Variants in EEPD1 observed in about 807,000 individuals in gnomAD.
The protein encoded by EEPD1 is endonuclease/exonuclease/phosphatase family domain-containing protein 1.
EEPD1 carries 17 observed loss-of-function variants against 46.3 expected under a neutral mutation model. The ratio of observed to expected loss-of-function variants is 0.37; its 90% CI spans 0.25 to 0.55. The LOEUF is 0.55. Ranked by LOEUF, EEPD1 falls within the 20% of genes least tolerant of loss-of-function variation. The pLI is 0.83. For synonymous variants in EEPD1, 313 were observed against 315.6 expected (o/e 0.99, Z 0.09); for missense variants, 673 against 745.6 (o/e 0.90, Z 1.13).
chr7:36,213,615 T>C (rs1785975744), intron 2 of EEPD1, among the ~76,000 whole-genome samples: 1 of 152,086 alleles, frequency 6.6e-6, no homozygotes, highest in Non-Finnish European at 1.5e-5. Flanking sequence ...TCACCAACAT[T>C]GAAGGCCCTG....
At position 36,234,147 on chromosome 7, in the gene EEPD1, G is replaced by A. The variant is rs1009015085; in HGVS notation, c.879-4838G>A. The stretch of plus-strand genomic sequence containing the variant: ...TTGGCCAGGCTGGTCTCGAAGTCCT[G>A]ACCTCAAATGATCTACCTGCCTTGT... On this transcript the variant is annotated intron_variant, in intron 2 of 7. Transcript: ENST00000242108. 2.6e-5 allele frequency among the ~76,000 whole-genome samples: 4 copies of A among 152,082 alleles called. No homozygotes were observed. In the East Asian group the frequency reaches 7.7e-4, roughly 29 times the overall value.
At chr7:36,204,418 A>G in intron 2 of EEPD1, among the ~76,000 whole-genome samples, 1 of 148,562 alleles carries the variant, frequency 6.7e-6, no homozygotes, top group South Asian at 2.1e-4. Context: ...AGCAATGATG[A>G]TGAGGAGGAG....
At chr7:36,211,222 G>A (rs920142189) in intron 2 of EEPD1, among the ~76,000 whole-genome samples, 3 of 152,190 alleles carry the variant, frequency 2.0e-5, no homozygotes. Flanking sequence ...ACATTCTGTG[G>A]CATGGTAAAT....
At chr7:36,174,643 T>G (rs1785147305) in intron 2 of EEPD1, among the ~76,000 whole-genome samples, 1 of 152,196 alleles carries the variant, frequency 6.6e-6, no homozygotes. Flanking sequence ...GTTTGTCTCC[T>G]CCAAGACACC....
chr7:36,243,791 G>A (rs375350040), intron 3 of EEPD1, among the ~76,000 whole-genome samples: 57 of 150,836 alleles, frequency 3.8e-4, no homozygotes, highest in East Asian at 3.1e-3. Flanking sequence ...GTAAACTATC[G>A]CAAGGACAAA....
At chr7:36,220,664 C>T (rs1020894930) in intron 2 of EEPD1, among the ~76,000 whole-genome samples, 1 of 152,176 alleles carries the variant, frequency 6.6e-6, no homozygotes, top group Non-Finnish European at 1.5e-5. Flanking sequence ...ATCTCATATC[C>T]TGCAGAGAAC....
At chr7:36,187,486 G>A (rs972353246) in intron 2 of EEPD1, among the ~76,000 whole-genome samples, 1 of 152,030 alleles carries the variant, frequency 6.6e-6, no homozygotes, top group Non-Finnish European at 1.5e-5. Flanking sequence ...TCCTACCACC[G>A]GGTTTTTATG....
At chr7:36,241,645 T>A (rs1254110799) in intron 3 of EEPD1, among the ~76,000 whole-genome samples, 1 of 150,218 alleles carries the variant, frequency 6.7e-6, no homozygotes, top group Non-Finnish European at 1.5e-5. Context: ...GGCGGGTGGA[T>A]CATTTGAGGT....
intron 3 of EEPD1, among the ~76,000 whole-genome samples, chr7:36,272,426 C>T (rs549448198): frequency 2.8e-4 from 43 of 152,204 alleles, no homozygotes; most frequent in Admixed American, 2.5e-3. Flanking sequence ...AACTTCACTT[C>T]AGTCTCCACA....
intron 2 of EEPD1, among the ~76,000 whole-genome samples, chr7:36,209,266 A>G (rs1201148411): frequency 6.6e-6 from 1 of 152,204 alleles, no homozygotes; most frequent in Non-Finnish European, 1.5e-5. Context: ...TCTCTTAGCA[A>G]CCTAACTCAG....
chr7:36,236,629 TCTAG>T (rs1363467541), intron 2 of EEPD1, among the ~76,000 whole-genome samples: 1 of 152,186 alleles, frequency 6.6e-6, no homozygotes, highest in Non-Finnish European at 1.5e-5. Flanking sequence ...GGAGAACTTT[TCTAG>T]CTGTCTCCTG....
chr7:36,281,857 A>ATG (rs1164829606), intron 4 of EEPD1, among the ~76,000 whole-genome samples: 1 of 152,252 alleles, frequency 6.6e-6, no homozygotes, highest in Non-Finnish European at 1.5e-5. Context: ...GGAGTTGAAA[A>ATG]TGTATTATTA....
At chr7:36,247,122 CAAAA>C (rs35947069) in intron 3 of EEPD1, among the ~76,000 whole-genome samples, 6 of 107,226 alleles carry the variant, frequency 5.6e-5, no homozygotes, top group Admixed American at 1.9e-4. Flanking sequence ...GACTCCATCT[CAAAA>C]AAAAAAAAAA....
chr7:36,247,346 A>G (rs749750621), intron 3 of EEPD1, among the ~76,000 whole-genome samples: 5 of 152,166 alleles, frequency 3.3e-5, no homozygotes, highest in Non-Finnish European at 7.4e-5. Flanking sequence ...ATATACACAC[A>G]TGTACATCCA....
At chr7:36,228,621 T>G (rs896576808) in intron 2 of EEPD1, 7 of 152,212 alleles carry the variant, frequency 4.6e-5, no homozygotes, top group African/African-American at 1.7e-4. Flanking sequence ...GGGCCAGGCC[T>G]GCCAGGATTT....
At chr7:36,289,387 T>C (rs540849320) in intron 6 of EEPD1, among the ~76,000 whole-genome samples, 1 of 152,344 alleles carries the variant, frequency 6.6e-6, no homozygotes, top group South Asian at 2.1e-4. Context: ...GTCTCTGTGA[T>C]TGTGACTACT....
intron 2 of EEPD1, among the ~76,000 whole-genome samples, chr7:36,171,400 T>G (rs1184930906): frequency 5.9e-5 from 9 of 152,216 alleles, no homozygotes; most frequent in Non-Finnish European, 1.2e-4. Context: ...AAATTGTAAG[T>G]GTTTAAAATT....
chr7:36,187,069 G>A (rs1167549907), intron 2 of EEPD1, among the ~76,000 whole-genome samples: 1 of 152,102 alleles, frequency 6.6e-6, no homozygotes, highest in East Asian at 1.9e-4. Context: ...ATTGGCCGTG[G>A]CTCTGTTCCA....
chr7:36,198,355 A>G (rs112957941), intron 2 of EEPD1, among the ~76,000 whole-genome samples: 7,710 of 109,324 alleles, frequency 0.071, 374 homozygotes, highest in South Asian at 0.1. Flanking sequence ...AAAAAAAAAA[A>G]AAAGAAAGAT....
Sources: allele counts gnomAD v4.1 joint callset (sites outside exome capture counted in the v4.1 genomes callset), GRCh38; gene constraint gnomAD v4.1.1; transcripts MANE v1.5; gene names NCBI Gene and HGNC (gene_info 2026-07-23, HGNC 2026-07-21).